Variants in AGAP1 observed in about 807,000 individuals in gnomAD.
AGAP1 encodes the protein arf-GAP with GTPase, ANK repeat and PH domain-containing protein 1.
Under a neutral mutation model 105.3 loss-of-function variants are expected in AGAP1, and 29 were observed. The ratio of observed to expected loss-of-function variants is 0.28; its 90% confidence interval spans 0.21 to 0.38. AGAP1 has a LOEUF of 0.38. Ranked by LOEUF, AGAP1 falls within the 10% of genes least tolerant of loss-of-function variation. The pLI is 1.00. For synonymous variants in AGAP1, 509 were observed against 485.9 expected (o/e 1.05, Z -0.63); for missense variants, 998 against 1,165.1 (o/e 0.86, Z 2.09).
intron 11 of AGAP1, among the ~76,000 whole-genome samples, chr2:235,924,923 G>T (rs1046712709): frequency 4.7e-5 from 7 of 147,786 alleles, no homozygotes; most frequent in Non-Finnish European, 7.4e-5. Context: ...ACAGAGCAGA[G>T]AGCACCTGCC....
At position 236,042,532 on chromosome 2, in the gene AGAP1, A is replaced by C. The variant is rs2057581005; in HGVS notation, c.1891+1691A>C. Reference sequence around the variant, plus strand: ...TTTTAAAAGTAAGAGCTTTTTTAAAAGCACGAATCTGAGAAATATTAGAAC... The same window carrying C: ...TTTTAAAAGTAAGAGCTTTTTTAAACGCACGAATCTGAGAAATATTAGAAC... On this transcript the variant is annotated intron_variant, in intron 15 of 17. Transcript: ENST00000304032. The surrounding 1 kb of genome is among the most constrained non-coding windows in gnomAD (Gnocchi z 5.6). Among the ~76,000 whole-genome samples the C allele has an allele frequency of 1.3e-5, 2 of 152,238 alleles. No homozygotes were observed. The highest frequency in any genetic ancestry group is 6.5e-5 in the Admixed American group (1 of 15,290).
chr2:236,084,248 T>C (rs1328633313), intron 16 of AGAP1, among the ~76,000 whole-genome samples: 1 of 152,128 alleles, frequency 6.6e-6, no homozygotes, highest in Non-Finnish European at 1.5e-5. Flanking sequence ...GCGGCCACCT[T>C]AAACTTAAAC....
Position 236,040,860 on chromosome 2 carries a change from AGC to A in AGAP1, c.1891+20_1891+21del, listed in dbSNP as rs2057528481. 1 of 1,613,754 alleles carries A rather than the reference AGC, an allele frequency of 6.2e-7. No individual in the cohort carries two copies. Among genetic ancestry groups the A allele is most frequent in the South Asian group, 1.1e-5 (1 of 91,078 alleles). On this transcript the variant is annotated intron_variant, in intron 15 of 17. Transcript: ENST00000304032. This position sits in a 1 kb window ranked among gnomAD's most constrained non-coding sequence, Gnocchi z 5.6. ...ACCCAGAGTAAGTGTGTGCGGTGGT[AGC>A]AGGGGCTGGCGCTGTGTAGCTGGAG...
chr2:235,831,701 C>T (rs919981244), intron 9 of AGAP1, among the ~76,000 whole-genome samples: 8 of 152,182 alleles, frequency 5.3e-5, no homozygotes, highest in African/African-American at 7.2e-5. Context: ...TGTGTTTATC[C>T]ATTCACCTAT....
intron 1 of AGAP1, among the ~76,000 whole-genome samples, chr2:235,516,239 A>G (rs1407629607): frequency 6.6e-6 from 1 of 152,080 alleles, no homozygotes; most frequent in African/African-American, 2.4e-5. Context: ...TCCCCAGTAA[A>G]TGCTTGCAGA....
rs1386799188 is a variant in AGAP1 at position 235,988,741 on chromosome 2, C to T, written c.1645+20118C>T. Reference sequence around the variant, plus strand: ...GACTCCACTCTGGCCAAGACGAGCTCTCAGATTGCACTTCAGAATCGGTGA... The same window carrying T: ...GACTCCACTCTGGCCAAGACGAGCTTTCAGATTGCACTTCAGAATCGGTGA... On this transcript the variant is annotated intron_variant, in intron 13 of 17. Transcript: ENST00000304032. This position sits in a 1 kb window ranked among gnomAD's most constrained non-coding sequence, Gnocchi z 4.7. Among the ~76,000 whole-genome samples, 1 of 152,132 alleles carries T rather than the reference C, an allele frequency of 6.6e-6. No homozygotes were observed. The highest frequency in any genetic ancestry group is 1.5e-5 in the Non-Finnish European group (1 of 68,016).
In AGAP1 at chr2:235,555,632, C is replaced by T. The variant is rs995547029; in HGVS notation, c.163+60783C>T. On this transcript the variant is annotated intron_variant, in intron 1 of 17. Transcript: ENST00000304032. The surrounding 1 kb of genome is among the most constrained non-coding windows in gnomAD (Gnocchi z 5.1). ...AGCTATGCAGGCCTTGGGGTCTTTTCATCAGATTCCTTTTGGCAGAATATA... is the reference window on the plus strand; with the variant it reads ...AGCTATGCAGGCCTTGGGGTCTTTTTATCAGATTCCTTTTGGCAGAATATA... Among the ~76,000 whole-genome samples, 4 of 152,202 alleles carry T rather than the reference C, an allele frequency of 2.6e-5. No individual in the cohort carries two copies. Among genetic ancestry groups the T allele is most frequent in the Non-Finnish European group, 2.9e-5 (2 of 68,032 alleles).
At chr2:235,849,265 A>G (rs1452531356) in intron 9 of AGAP1, among the ~76,000 whole-genome samples, 1 of 152,240 alleles carries the variant, frequency 6.6e-6, no homozygotes, top group African/African-American at 2.4e-5. Flanking sequence ...CTCGTGAAGG[A>G]TTTAGAATAT....
intron 3 of AGAP1, among the ~76,000 whole-genome samples, chr2:235,727,562 T>C (rs1436871542): frequency 2.0e-5 from 3 of 152,212 alleles, no homozygotes; most frequent in Admixed American, 2.0e-4. Flanking sequence ...CTTCTTAATC[T>C]CCAATGCTGA....
chr2:235,953,819 A>G lies in AGAP1; in HGVS notation c.1484-14643A>G, dbSNP rs763944846. On this transcript the variant is annotated intron_variant, in intron 12 of 17. Transcript: ENST00000304032. This position sits in a 1 kb window ranked among gnomAD's most constrained non-coding sequence, Gnocchi z 5.2. ...ATACCTGTGGTCCACGCTCCTTGGG[A>G]GGCTGAGGCAGGAGGATCGCTGGAG... 6.6e-6 allele frequency among the ~76,000 whole-genome samples: 1 copy of G among 152,166 alleles called. No homozygotes were observed. The highest frequency in any genetic ancestry group is 1.5e-5 in the Non-Finnish European group (1 of 68,030).
chr2:235,954,551 G>A (rs984376898), intron 12 of AGAP1, among the ~76,000 whole-genome samples: 2 of 148,504 alleles, frequency 1.3e-5, no homozygotes, highest in Non-Finnish European at 3.0e-5. Flanking sequence ...TTACGGTTCT[G>A]TGTTGAGGTC....
At chr2:235,548,886 G>T (rs1231100737) in intron 1 of AGAP1, among the ~76,000 whole-genome samples, 1 of 152,184 alleles carries the variant, frequency 6.6e-6, no homozygotes, top group Non-Finnish European at 1.5e-5. Flanking sequence ...AACATAAAGG[G>T]TTATTGGAAC....
chr2:235,878,147 G>T (rs1333036593), intron 9 of AGAP1, among the ~76,000 whole-genome samples: 1 of 152,206 alleles, frequency 6.6e-6, no homozygotes, highest in African/African-American at 2.4e-5. Context: ...GCGGCTGCTG[G>T]ATCCTAAGAT....
intron 11 of AGAP1, among the ~76,000 whole-genome samples, chr2:235,920,281 T>C (rs971212947): frequency 6.6e-6 from 1 of 152,166 alleles, no homozygotes; most frequent in African/African-American, 2.4e-5. Context: ...ATGGTAAATA[T>C]TTTGTCTTAA....
rs189731342 is a variant in AGAP1, at chr2:235,622,730, C to T, written c.164-86449C>T. 1.3e-5 allele frequency among the ~76,000 whole-genome samples: 2 copies of T among 152,080 alleles called. No homozygotes were observed. The highest frequency in any genetic ancestry group is 1.9e-4 in the East Asian group (1 of 5,166). On this transcript the variant is annotated intron_variant, in intron 1 of 17. Coordinates refer to ENST00000304032, the MANE Select transcript of AGAP1 (RefSeq NM_001037131.3). This position sits in a 1 kb window ranked among gnomAD's most constrained non-coding sequence, Gnocchi z 5.0. ...GGACCACGGTAGCTAATGTTTGTAG[C>T]GCGCTCACGTATGCCAGACTCTTCT...
At chr2:236,043,397 T>C (rs2057615577) in intron 15 of AGAP1, among the ~76,000 whole-genome samples, 1 of 152,178 alleles carries the variant, frequency 6.6e-6, no homozygotes, top group South Asian at 2.1e-4. Flanking sequence ...TTCATGGTGA[T>C]GTCTTGTCTT....
rs1268850993 is a variant in AGAP1 at position 236,002,471 on chromosome 2, T to G, written c.1645+33848T>G. ...GCTGTGTGTTTTCATAAGCGAATCC[T>G]GATTTTCTGACAAAAGAGACATGAA... On this transcript the variant is annotated intron_variant, in intron 13 of 17. Transcript: ENST00000304032. This position sits in a 1 kb window ranked among gnomAD's most constrained non-coding sequence, Gnocchi z 4.3. Among the ~76,000 whole-genome samples the G allele has an allele frequency of 2.0e-5, 3 of 152,224 alleles. No homozygotes were observed. The highest frequency in any genetic ancestry group is 2.0e-4 in the Admixed American group (3 of 15,292).
In AGAP1 at chr2:235,803,833, A is replaced by G. The variant is rs1957704295; in HGVS notation, c.958-3406A>G. 2.6e-5 allele frequency among the ~76,000 whole-genome samples: 4 copies of G among 152,246 alleles called. No individual in the cohort carries two copies. In the South Asian group the frequency reaches 8.3e-4, roughly 31 times the overall value. ...AGTAGGAATTCTACTTTACTAATCAAACACTGAGTTATATTTTATTTCACT... is the reference window on the plus strand; with the variant it reads ...AGTAGGAATTCTACTTTACTAATCAGACACTGAGTTATATTTTATTTCACT... On this transcript the variant is annotated intron_variant, in intron 8 of 17. Coordinates refer to ENST00000304032, the MANE Select transcript of AGAP1 (RefSeq NM_001037131.3).
chr2:235,989,376 C>T lies in AGAP1; in HGVS notation c.1645+20753C>T, dbSNP rs963155001. ...TCCTAAGCCCTTCCCCCAACTGGAA[C>T]CATGGAGGGAGGAAGAACAGACCAG... On this transcript the variant is annotated intron_variant, in intron 13 of 17. Coordinates refer to ENST00000304032, the MANE Select transcript of AGAP1 (RefSeq NM_001037131.3). The surrounding 1 kb of genome is among the most constrained non-coding windows in gnomAD (Gnocchi z 4.4). Among the ~76,000 whole-genome samples, 1 of 152,122 alleles carries T rather than the reference C, an allele frequency of 6.6e-6. No individual in the cohort carries two copies. The highest frequency in any genetic ancestry group is 2.4e-5 in the African/African-American group (1 of 41,420).
Sources: gnomAD v4.1 joint callset for allele counts (sites outside exome capture counted in the v4.1 genomes callset) on GRCh38, gnomAD v4.1.1 for gene constraint, Gnocchi (gnomAD v3.1) non-coding constraint, MANE v1.5 for transcripts, NCBI Gene and HGNC (gene_info 2026-07-23, HGNC 2026-07-21) for gene names.